Variants in NOX4 observed in about 807,000 individuals in gnomAD.
NOX4 encodes the protein NADPH oxidase 4.
NOX4 carries 69 observed loss-of-function variants against 87.6 expected under a neutral mutation model. That is an observed-to-expected ratio of 0.79 (90% CI 0.65 to 0.96). The LOEUF (loss-of-function observed/expected upper bound fraction) is 0.96, where lower values mean the gene tolerates loss of function less well. Ranked by LOEUF, NOX4 falls within the 40% of genes least tolerant of loss-of-function variation. The pLI, the probability that NOX4 is intolerant of heterozygous loss-of-function variation, is 0.00. For synonymous variants in NOX4, 275 were observed against 238.2 expected, an observed-to-expected ratio of 1.15 and a Z score of -1.42; for missense variants, 680 against 681.5, an observed-to-expected ratio of 1.00 and a Z score of 0.02.
chr11:89,436,567 T>C (rs1359969509), intron 6 of NOX4, among the ~76,000 whole-genome samples: 4 of 152,304 alleles, frequency 2.6e-5, no homozygotes, highest in South Asian at 2.1e-4. Context: ...TATTAATTAG[T>C]AGCTTTTAAA....
At chr11:89,497,588 G>A (rs976483062) in intron 1 of NOX4, among the ~76,000 whole-genome samples, 1 of 152,124 alleles carries the variant, frequency 6.6e-6, no homozygotes, top group Non-Finnish European at 1.5e-5. Flanking sequence ...TGAGCTCACC[G>A]AGCACCTTCA....
At chr11:89,468,543 A>G (rs1945800418) in intron 2 of NOX4, among the ~76,000 whole-genome samples, 1 of 152,194 alleles carries the variant, frequency 6.6e-6, no homozygotes, top group Non-Finnish European at 1.5e-5. Context: ...GCTCATCTTG[A>G]GTTTCCAACA....
At chr11:89,477,992 T>C (rs1340797529) in intron 2 of NOX4, among the ~76,000 whole-genome samples, 1 of 152,240 alleles carries the variant, frequency 6.6e-6, no homozygotes, top group Admixed American at 6.5e-5. Context: ...TTTATAATCA[T>C]TAACAAATGT....
chr11:89,328,223 T>C (rs1192955317), intron 17 of NOX4, among the ~76,000 whole-genome samples: 1 of 152,200 alleles, frequency 6.6e-6, no homozygotes, highest in Admixed American at 6.5e-5. Context: ...AATCAGTTCA[T>C]ATATGATAAG....
At chr11:89,488,027 A>T (rs1946700288) in intron 2 of NOX4, among the ~76,000 whole-genome samples, 1 of 152,168 alleles carries the variant, frequency 6.6e-6, no homozygotes, top group African/African-American at 2.4e-5. Context: ...ATGACTGGAA[A>T]ATTCATAACA....
At chr11:89,538,222 T>C in the NOX4 span, among the ~76,000 whole-genome samples, 1 of 152,238 alleles carries the variant, frequency 6.6e-6, no homozygotes, top group Non-Finnish European at 1.5e-5. Flanking sequence ...ATTTGTTTGC[T>C]CTTCACAGCC....
At chr11:89,395,815 G>T (rs750956176) in intron 11 of NOX4, among the ~76,000 whole-genome samples, 24 of 152,116 alleles carry the variant, frequency 1.6e-4, no homozygotes, top group Admixed American at 7.2e-4. Context: ...CATGGTTGTA[G>T]ATGTGCGGTG....
At chr11:89,553,268 G>A in the NOX4 span, among the ~76,000 whole-genome samples, 9 of 152,234 alleles carry the variant, frequency 5.9e-5, no homozygotes, top group South Asian at 2.1e-4. Flanking sequence ...TGATTGGATC[G>A]TGGGGACAGT....
Position 89,491,171 on chromosome 11 carries a change from G to A in NOX4, c.57+19C>T. The A allele has an allele frequency of 6.2e-7, 1 of 1,612,044 alleles. No individual in the cohort carries two copies. The highest frequency in any genetic ancestry group is 1.1e-5 in the South Asian group (1 of 90,846). On this transcript the variant is annotated intron_variant, in intron 1 of 17. Transcript: ENST00000263317. ...GCAGGACAGAGAGAACGCAAGGAGA[G>A]CCTAGCCCGCCATCCTACCAGGCAG...
chr11:89,472,977 C>G (rs1392658317), intron 2 of NOX4, among the ~76,000 whole-genome samples: 1 of 152,104 alleles, frequency 6.6e-6, no homozygotes, highest in South Asian at 2.1e-4. Flanking sequence ...TTCACTTTTC[C>G]TTATAGAAAT....
At chr11:89,509,191 T>G in the NOX4 span, among the ~76,000 whole-genome samples, 5 of 152,088 alleles carry the variant, frequency 3.3e-5, no homozygotes, top group African/African-American at 1.2e-4. Flanking sequence ...TCCAACAGAA[T>G]TGCATGGCCA....
intron 15 of NOX4, among the ~76,000 whole-genome samples, chr11:89,338,572 C>G (rs1945830457): frequency 6.6e-6 from 1 of 151,828 alleles, no homozygotes; most frequent in Non-Finnish European, 1.5e-5. Context: ...TTACGTAATC[C>G]ACCTCTTCCC....
intron 8 of NOX4, among the ~76,000 whole-genome samples, chr11:89,413,405 A>AGAG (rs1942590141): frequency 6.6e-6 from 1 of 152,222 alleles, no homozygotes; most frequent in Non-Finnish European, 1.5e-5. Context: ...ACTATTCACA[A>AGAG]TAGCCAAGAT....
chr11:89,448,439 G>A (rs951972918), intron 4 of NOX4, among the ~76,000 whole-genome samples: 1 of 152,086 alleles, frequency 6.6e-6, no homozygotes, highest in East Asian at 1.9e-4. Flanking sequence ...AAAGATCATT[G>A]CTTTATTTCT....
the NOX4 span, among the ~76,000 whole-genome samples, chr11:89,513,383 C>A: frequency 2.2e-4 from 33 of 151,614 alleles, no homozygotes; most frequent in Admixed American, 9.2e-4. Context: ...CTCACTAGAT[C>A]CTATGGAATA....
At chr11:89,436,199 G>A (rs1365197827) in intron 6 of NOX4, among the ~76,000 whole-genome samples, 1 of 152,196 alleles carries the variant, frequency 6.6e-6, no homozygotes, top group Non-Finnish European at 1.5e-5. Context: ...GGTGGAGACA[G>A]ACAAGTTAAG....
intron 3 of NOX4, 117 bp downstream of exon 3, chr11:89,451,668 A>G: frequency 1.5e-6 from 1 of 679,298 alleles, no homozygotes; most frequent in Non-Finnish European, 2.7e-6. Context: ...TTTTACCATC[A>G]TCTTACAAGA....
At chr11:89,559,739 G>T in the NOX4 span, among the ~76,000 whole-genome samples, 1 of 152,078 alleles carries the variant, frequency 6.6e-6, no homozygotes, top group Non-Finnish European at 1.5e-5. Flanking sequence ...TTTGGCAACT[G>T]GCTTCTGATA....
chr11:89,559,991 A>G, the NOX4 span, among the ~76,000 whole-genome samples: 1 of 152,146 alleles, frequency 6.6e-6, no homozygotes, highest in Non-Finnish European at 1.5e-5. Flanking sequence ...ATACCCTGGC[A>G]TCTATGAATG....
Sources: gnomAD v4.1 joint callset for allele counts (sites outside exome capture counted in the v4.1 genomes callset) on GRCh38, gnomAD v4.1.1 for gene constraint, MANE v1.5 for transcripts, NCBI Gene and HGNC (gene_info 2026-07-23, HGNC 2026-07-21) for gene names.